SEZ6L: variants seen among roughly 807,000 people sequenced by gnomAD.
The protein encoded by SEZ6L is seizure related 6 homolog like.
A neutral mutation model predicts 106.2 loss-of-function variants in SEZ6L; 37 were observed. The observed-to-expected ratio is 0.35, with a 90% CI of 0.27 to 0.46. The LOEUF (loss-of-function observed/expected upper bound fraction) is 0.46, where lower values mean the gene tolerates loss of function less well. Among genes scored for constraint, SEZ6L ranks in the 20% least tolerant of loss-of-function variants. The pLI is 1.00. For missense variants in SEZ6L, 1,172 were observed against 1,332.8 expected (o/e 0.88, Z 1.88); for synonymous variants, 541 against 570.4 (o/e 0.95, Z 0.73).
intron 1 of SEZ6L, among the ~76,000 whole-genome samples, chr22:26,214,364 G>A (rs1045234348): frequency 6.6e-6 from 1 of 152,116 alleles, no homozygotes; most frequent in Non-Finnish European, 1.5e-5. Context: ...TTCATGCAGG[G>A]CCCGGCACAC....
intron 9 of SEZ6L, among the ~76,000 whole-genome samples, chr22:26,323,537 G>A (rs2082215895): frequency 6.6e-6 from 1 of 152,178 alleles, no homozygotes; most frequent in Non-Finnish European, 1.5e-5. Flanking sequence ...AGAGGCTGAG[G>A]TGGGAGAATC....
At chr22:26,291,511 G>C (rs368376505) in intron 1 of SEZ6L, among the ~76,000 whole-genome samples, 33 of 152,212 alleles carry the variant, frequency 2.2e-4, no homozygotes, top group East Asian at 9.6e-4. Flanking sequence ...TACCTAGCGT[G>C]GGTTGATAGG....
At chr22:26,227,476 T>C (rs1347965404) in intron 1 of SEZ6L, among the ~76,000 whole-genome samples, 4 of 152,176 alleles carry the variant, frequency 2.6e-5, no homozygotes, top group East Asian at 1.9e-4. Context: ...GGTGTGATCA[T>C]AGCTCACTGT....
intron 1 of SEZ6L, among the ~76,000 whole-genome samples, chr22:26,181,480 T>TA (rs1939388757): frequency 1.3e-5 from 2 of 152,194 alleles, no homozygotes; most frequent in African/African-American, 4.8e-5. Context: ...ATGGCATAAG[T>TA]AAAAAATGAT....
chr22:26,301,734 G>T (rs552776409), intron 5 of SEZ6L, among the ~76,000 whole-genome samples: 77 of 152,092 alleles, frequency 5.1e-4, no homozygotes, highest in Non-Finnish European at 9.7e-4. Flanking sequence ...TGGAAAATGG[G>T]GGGGAGAAGG....
chr22:26,277,369 G>A (rs1176942522), intron 1 of SEZ6L, among the ~76,000 whole-genome samples: 1 of 152,232 alleles, frequency 6.6e-6, no homozygotes, highest in East Asian at 1.9e-4. Flanking sequence ...TATCCAGGGT[G>A]TGAGTTCACG....
chr22:26,288,232 C>A (rs1044236201), intron 1 of SEZ6L, among the ~76,000 whole-genome samples: 2 of 152,188 alleles, frequency 1.3e-5, no homozygotes, highest in Non-Finnish European at 2.9e-5. Flanking sequence ...ACTTGGAAGA[C>A]AAAACAGATG....
chr22:26,316,675 T>C (rs1055869011), intron 9 of SEZ6L, among the ~76,000 whole-genome samples: 1 of 151,754 alleles, frequency 6.6e-6, no homozygotes, highest in Non-Finnish European at 1.5e-5. Context: ...CTACTAAAAA[T>C]ACAAAAATTA....
At chr22:26,267,035 A>G (rs978802983) in intron 1 of SEZ6L, among the ~76,000 whole-genome samples, 1 of 152,376 alleles carries the variant, frequency 6.6e-6, no homozygotes. Context: ...TTTTGAGCAG[A>G]GGAAATCGTG....
At chr22:26,379,004 C>G (rs113051801) in intron 16 of SEZ6L, among the ~76,000 whole-genome samples, 2,797 of 152,254 alleles carry the variant, frequency 0.018, 100 homozygotes, top group African/African-American at 0.064. Context: ...TAGCCTGACC[C>G]CCTGCTTTAT....
intron 4 of SEZ6L, among the ~76,000 whole-genome samples, chr22:26,298,689 G>T (rs181027751): frequency 6.6e-6 from 1 of 152,140 alleles, no homozygotes; most frequent in African/African-American, 2.4e-5. Flanking sequence ...AGGCCAATCT[G>T]TCTCTACATA....
At position 26,341,076 on chromosome 22, in the gene SEZ6L, G is replaced by C. The variant is rs577853060; in HGVS notation, c.2212+444G>C. 2.1e-3 allele frequency among the ~76,000 whole-genome samples: 319 copies of C among 151,618 alleles called. 11 individuals are homozygous for C. The South Asian group carries it at 0.044, about 21-fold the overall frequency. On this transcript the variant is annotated intron_variant, in intron 10 of 16. Transcript: ENST00000248933. ...CAATTTGTGCAACTTCTCAAACATC[G>C]TCTTCACCTTCTTGCCCGAACTGAA...
intron 9 of SEZ6L, among the ~76,000 whole-genome samples, chr22:26,323,005 GC>G (rs1432731474): frequency 1.3e-5 from 2 of 152,182 alleles, no homozygotes; most frequent in Non-Finnish European, 2.9e-5. Flanking sequence ...ATTGGTGAAG[GC>G]ATCGTAGAAT....
chr22:26,304,170 G>A (rs1352832695), intron 5 of SEZ6L, among the ~76,000 whole-genome samples: 1 of 151,950 alleles, frequency 6.6e-6, no homozygotes, highest in Non-Finnish European at 1.5e-5. Context: ...TGGCCAAGAT[G>A]GTGAAACCCC....
intron 10 of SEZ6L, among the ~76,000 whole-genome samples, chr22:26,347,231 G>T (rs930165494): frequency 1.6e-5 from 2 of 122,968 alleles, no homozygotes; most frequent in Non-Finnish European, 3.4e-5. Context: ...ATGATGATAA[G>T]AATAATAATA....
intron 1 of SEZ6L, among the ~76,000 whole-genome samples, chr22:26,182,609 G>A (rs1939482494): frequency 6.6e-6 from 1 of 152,002 alleles, no homozygotes. Context: ...CTTGATACAG[G>A]AAAGGGGCCC....
intron 1 of SEZ6L, among the ~76,000 whole-genome samples, chr22:26,175,896 A>T (rs1228600440): frequency 6.6e-6 from 1 of 152,252 alleles, no homozygotes; most frequent in Non-Finnish European, 1.5e-5. Context: ...CTGGGATGGG[A>T]CAAGAGAGTT....
chr22:26,267,649 G>A (rs2080232595), intron 1 of SEZ6L, among the ~76,000 whole-genome samples: 3 of 152,206 alleles, frequency 2.0e-5, no homozygotes, highest in African/African-American at 7.2e-5. Context: ...TACCATGAAA[G>A]TAGGCATTTT....
chr22:26,245,452 T>A (rs1365192988), intron 1 of SEZ6L, among the ~76,000 whole-genome samples: 2 of 152,008 alleles, frequency 1.3e-5, no homozygotes, highest in Non-Finnish European at 2.9e-5. Flanking sequence ...AGGGAGGGAC[T>A]CTCCCAAGCC....
Sources: gnomAD v4.1 joint callset for allele counts (sites outside exome capture counted in the v4.1 genomes callset) on GRCh38, gnomAD v4.1.1 for gene constraint, MANE v1.5 for transcripts, NCBI Gene and HGNC (gene_info 2026-07-23, HGNC 2026-07-21) for gene names.